MEGF10: variants seen among roughly 807,000 people sequenced by gnomAD.
MEGF10 encodes multiple epidermal growth factor-like domains protein 10.
A neutral mutation model predicts 147.5 loss-of-function variants in MEGF10; 86 were observed. The observed-to-expected ratio is 0.58, with a 90% CI of 0.49 to 0.70. The LOEUF is 0.70. Ranked by LOEUF, MEGF10 falls within the 30% of genes least tolerant of loss-of-function variation. The pLI is 0.00. For synonymous variants in MEGF10, 478 were observed against 525.5 expected (o/e 0.91, Z 1.24); for missense variants, 1,329 against 1,487.3 (o/e 0.89, Z 1.75).
intron 4 of MEGF10, among the ~76,000 whole-genome samples, chr5:127,355,382 A>G (rs1371816919): frequency 6.6e-6 from 1 of 152,160 alleles, no homozygotes; most frequent in Non-Finnish European, 1.5e-5. Context: ...AAGTGAGACA[A>G]TCCTGTTAAG....
intron 4 of MEGF10, among the ~76,000 whole-genome samples, chr5:127,353,629 C>G (rs1762166498): frequency 6.6e-6 from 1 of 152,224 alleles, no homozygotes. Flanking sequence ...GGTCCCTTCT[C>G]CAGTCCAGCT....
chr5:127,425,551 C>T (rs936950323), intron 13 of MEGF10, among the ~76,000 whole-genome samples: 1 of 151,980 alleles, frequency 6.6e-6, no homozygotes, highest in African/African-American at 2.4e-5. Flanking sequence ...TATACAAAAA[C>T]ACATGTAGAG....
the MEGF10 span, among the ~76,000 whole-genome samples, chr5:127,240,162 C>CT: frequency 6.6e-6 from 1 of 152,226 alleles, no homozygotes; most frequent in Non-Finnish European, 1.5e-5. Context: ...TATGTAGAGG[C>CT]TTGTCCCTCA....
intron 1 of MEGF10, among the ~76,000 whole-genome samples, chr5:127,326,213 C>T (rs967560366): frequency 2.0e-5 from 3 of 151,928 alleles, no homozygotes; most frequent in African/African-American, 7.2e-5. Flanking sequence ...CCGCACCTGG[C>T]CTTTCTTTTA....
chr5:127,296,083 TCTAA>T (rs1759485311), intron 1 of MEGF10, among the ~76,000 whole-genome samples: 1 of 152,242 alleles, frequency 6.6e-6, no homozygotes. Context: ...CCATGATCAT[TCTAA>T]CTCTTTTTAA....
Position 127,396,753 on chromosome 5 carries a change from T to C in MEGF10, c.634T>C (p.Cys212Arg), listed in dbSNP as rs1358468269. 1.9e-6 allele frequency: 3 copies of C among 1,614,000 alleles called. No individual in the cohort carries two copies. The highest frequency in any genetic ancestry group is 2.5e-6 in the Non-Finnish European group (3 of 1,179,994). Residue 212 changes from cysteine to arginine, a missense_variant, in exon 6 of 25, where the codon TGC becomes CGC. By Grantham distance (180) the Cys-to-Arg change is radical. Coordinates refer to ENST00000503335, the MANE Select transcript of MEGF10 (RefSeq NM_001256545.2). Reference protein sequence around the residue: ...TCDHVTGECRCPPGYTGAFCE... With the variant: ...TCDHVTGECRRPPGYTGAFCE... Reference sequence around the variant, plus strand: ...CGACCACGTCACGGGGGAATGCCGCTGCCCACCAGGATACACCGGAGCCTT... The same window carrying C: ...CGACCACGTCACGGGGGAATGCCGCCGCCCACCAGGATACACCGGAGCCTT...
intron 5 of MEGF10, among the ~76,000 whole-genome samples, chr5:127,376,988 A>C (rs1388792010): frequency 6.6e-6 from 1 of 152,198 alleles, no homozygotes; most frequent in East Asian, 1.9e-4. Context: ...AGACAGGGGC[A>C]GATGACACCG....
At chr5:127,357,102 G>A (rs960036708) in intron 4 of MEGF10, among the ~76,000 whole-genome samples, 17 of 152,152 alleles carry the variant, frequency 1.1e-4, no homozygotes, top group African/African-American at 2.9e-4. Context: ...TTCTTCTAAG[G>A]ACAATTATAT....
At chr5:127,384,453 G>A (rs1348965027) in intron 5 of MEGF10, among the ~76,000 whole-genome samples, 1 of 152,128 alleles carries the variant, frequency 6.6e-6, no homozygotes, top group Non-Finnish European at 1.5e-5. Flanking sequence ...TGTAACTTTA[G>A]CCTACAAGTT....
At chr5:127,297,593 A>G (rs1432345228) in intron 1 of MEGF10, among the ~76,000 whole-genome samples, 2 of 152,180 alleles carry the variant, frequency 1.3e-5, no homozygotes, top group African/African-American at 4.8e-5. Flanking sequence ...AGGTGGGGGA[A>G]TGGGCTCAGC....
At chr5:127,454,654 T>G (rs1398349117) in intron 23 of MEGF10, 44 bp downstream of exon 23, 1 of 1,547,704 alleles carries the variant, frequency 6.5e-7, no homozygotes, top group Admixed American at 2.0e-5. Flanking sequence ...ACAATTAAAT[T>G]TTTTTTAACC....
intron 1 of MEGF10, among the ~76,000 whole-genome samples, chr5:127,312,012 G>C (rs1464581931): frequency 6.6e-6 from 1 of 152,140 alleles, no homozygotes; most frequent in South Asian, 2.1e-4. Context: ...TAAATCAGCA[G>C]CATCCCATCA....
intron 12 of MEGF10, among the ~76,000 whole-genome samples, chr5:127,420,547 A>C (rs1169397987): frequency 6.6e-6 from 1 of 152,016 alleles, no homozygotes; most frequent in African/African-American, 2.4e-5. Context: ...TGTTTCCACT[A>C]TCATGGAAAT....
intron 4 of MEGF10, among the ~76,000 whole-genome samples, chr5:127,365,048 T>A (rs1762606438): frequency 6.6e-6 from 1 of 152,212 alleles, no homozygotes; most frequent in South Asian, 2.1e-4. Context: ...TATATTCCTC[T>A]GTAGCAACTC....
chr5:127,248,474 G>T, the MEGF10 span, among the ~76,000 whole-genome samples: 1 of 152,016 alleles, frequency 6.6e-6, no homozygotes. Flanking sequence ...CATGTTCAAA[G>T]ATTTAAATGA....
At chr5:127,321,315 G>A (rs892075366) in intron 1 of MEGF10, among the ~76,000 whole-genome samples, 2 of 152,058 alleles carry the variant, frequency 1.3e-5, no homozygotes, top group East Asian at 3.9e-4. Context: ...TTTGGATTCT[G>A]GACATATGTA....
At chr5:127,379,182 C>T (rs1763156415) in intron 5 of MEGF10, among the ~76,000 whole-genome samples, 1 of 151,858 alleles carries the variant, frequency 6.6e-6, no homozygotes, top group Non-Finnish European at 1.5e-5. Flanking sequence ...TGCTGCCACT[C>T]CAGTCCATGC....
intron 4 of MEGF10, among the ~76,000 whole-genome samples, chr5:127,359,311 C>G (rs1358898774): frequency 6.6e-6 from 1 of 151,518 alleles, no homozygotes; most frequent in African/African-American, 2.4e-5. Context: ...AGAGAGGGCT[C>G]TTTGCCTTTC....
In MEGF10 at chr5:127,458,084, G is replaced by A. The variant is rs978872274; in HGVS notation, c.*766G>A. 6.6e-6 allele frequency: 1 copy of A among 152,090 alleles called. No homozygotes were observed. Among genetic ancestry groups the A allele is most frequent in the Non-Finnish European group, 1.5e-5 (1 of 68,028 alleles). 9.4% of individuals were successfully genotyped at this position (152,090 alleles called of 1,614,324 possible). On this transcript the variant is annotated 3_prime_UTR_variant, in exon 25 of 25. Transcript: ENST00000503335. ...ATCTATGACATTATTCTGATCACTG[G>A]CTCCATCATACATATTCACCACTTG...
Sources: gnomAD v4.1 joint callset for allele counts (sites outside exome capture counted in the v4.1 genomes callset) on GRCh38, gnomAD v4.1.1 for gene constraint, MANE v1.5 for transcripts, NCBI Gene and HGNC (gene_info 2026-07-23, HGNC 2026-07-21) for gene names.